The following INTS13 variants were observed in gnomAD, a reference collection of about 807,000 sequenced individuals.
INTS13 encodes the protein integrator complex subunit 13, also known as asunder, spermatogenesis regulator homolog (Drosphila).
In INTS13, 35 loss-of-function variants were observed where a neutral mutation model predicts 90.2. The observed-to-expected ratio is 0.39, with a 90% CI of 0.30 to 0.51. The LOEUF is 0.51. INTS13 is among the 20% of genes least tolerant of loss of function. INTS13 has a pLI of 0.80. For missense variants in INTS13, 601 were observed against 851.2 expected, an observed-to-expected ratio of 0.71 and a Z score of 3.66; for synonymous variants, 309 against 277.1, an observed-to-expected ratio of 1.11 and a Z score of -1.14.
intron 8 of INTS13, among the ~76,000 whole-genome samples, chr12:26,919,311 T>C (rs909147613): frequency 3.3e-5 from 5 of 151,994 alleles, no homozygotes; most frequent in African/African-American, 1.2e-4. Flanking sequence ...CAGAGAAGAT[T>C]AGTATGCTTT....
In INTS13 at chr12:26,919,910, C is replaced by T. The variant is rs144896969; in HGVS notation, c.890-2177G>A. Among the ~76,000 whole-genome samples the T allele has an allele frequency of 4.1e-4, 62 of 152,110 alleles. No individual in the cohort carries two copies. In the East Asian group the frequency reaches 0.011, roughly 28 times the overall value. Reference sequence around the variant, plus strand: ...TTTGGGAGGCTGAGGGGGCGGATCACGAGGTCAGGAGATCAAGACCATCCT... The same window carrying T: ...TTTGGGAGGCTGAGGGGGCGGATCATGAGGTCAGGAGATCAAGACCATCCT... On this transcript the variant is annotated intron_variant, in intron 8 of 16. Coordinates refer to ENST00000261191, the MANE Select transcript of INTS13 (RefSeq NM_018164.3).
At position 26,913,649 on chromosome 12, in the gene INTS13, G is replaced by A. The variant is rs1951853655; in HGVS notation, c.1613C>T (p.Thr538Ile). The change falls in exon 14 of 17, where the codon ACC becomes ATC. Residue 538 changes from threonine to isoleucine, a missense_variant. Around this residue, in one of 3 missense-constraint regions of INTS13, gnomAD observed 228 missense variants for 272.5 expected, o/e 0.84. Transcript: ENST00000261191. Reference protein sequence around the residue: ...QYRIMWNELETLVRAHINNSE... With the variant: ...QYRIMWNELEILVRAHINNSE... ...GTTGTTGATATGGGCTCTGACAAGG[G>A]TTTCTAATTCATTCCACATGATACG... 1 of 1,613,980 alleles carries A rather than the reference G, an allele frequency of 6.2e-7. No individual in the cohort carries two copies. Among genetic ancestry groups the A allele is most frequent in the Non-Finnish European group, 8.5e-7 (1 of 1,179,982 alleles).
At chr12:26,933,437 T>C (rs554521387) in intron 3 of INTS13, among the ~76,000 whole-genome samples, 4 of 152,284 alleles carry the variant, frequency 2.6e-5, no homozygotes, top group Non-Finnish European at 2.9e-5. Context: ...AAAATGGTGT[T>C]AGGCTTCTCA....
chr12:26,912,748 G>C (rs1951818569), intron 14 of INTS13, among the ~76,000 whole-genome samples: 1 of 146,892 alleles, frequency 6.8e-6, no homozygotes. Flanking sequence ...TTTTTTTTGA[G>C]ACAAAGTCTT....
chr12:26,907,594 T>C (rs573004343), intron 15 of INTS13, among the ~76,000 whole-genome samples: 1 of 152,336 alleles, frequency 6.6e-6, no homozygotes, highest in East Asian at 1.9e-4. Context: ...TGTACTTGAC[T>C]TCATCAAAAT....
chr12:26,929,002 A>T (rs1938042284), intron 3 of INTS13, 97 bp from the exon 4 acceptor site: 1 of 1,068,078 alleles, frequency 9.4e-7, no homozygotes, highest in South Asian at 1.5e-5. Flanking sequence ...TATCTTACAT[A>T]TATGGACATG....
chr12:26,933,904 T>C (rs1938323651), intron 3 of INTS13, among the ~76,000 whole-genome samples: 1 of 152,182 alleles, frequency 6.6e-6, no homozygotes, highest in South Asian at 2.1e-4. Flanking sequence ...AACAAAAAGC[T>C]ATATAAGGAA....
At chr12:26,920,873 T>C (rs1371813176) in intron 8 of INTS13, among the ~76,000 whole-genome samples, 3 of 152,208 alleles carry the variant, frequency 2.0e-5, no homozygotes, top group Non-Finnish European at 2.9e-5. Flanking sequence ...TATTCTAAGA[T>C]TCCTCAGACA....
intron 15 of INTS13, among the ~76,000 whole-genome samples, chr12:26,910,179 A>G (rs914395465): frequency 1.3e-5 from 2 of 152,232 alleles, no homozygotes; most frequent in Non-Finnish European, 2.9e-5. Flanking sequence ...ACATTTTAAT[A>G]TAGCAATAAA....
chr12:26,926,742 C>A (rs1937897087), intron 5 of INTS13, among the ~76,000 whole-genome samples: 1 of 152,174 alleles, frequency 6.6e-6, no homozygotes, highest in Non-Finnish European at 1.5e-5. Context: ...GACCCCAGTT[C>A]TTGACACATA....
intron 3 of INTS13, among the ~76,000 whole-genome samples, chr12:26,932,972 A>AT (rs1198488989): frequency 6.6e-5 from 10 of 152,242 alleles, no homozygotes; most frequent in Non-Finnish European, 1.5e-4. Flanking sequence ...AAGCCTCAAC[A>AT]TAAAAAAAGA....
At chr12:26,922,422 A>G (rs961296419) in intron 8 of INTS13, among the ~76,000 whole-genome samples, 194 bp downstream of exon 8, 3 of 152,160 alleles carry the variant, frequency 2.0e-5, no homozygotes, top group East Asian at 1.9e-4. Context: ...GCTTTGCCTA[A>G]TTTATATATT....
intron 8 of INTS13, 101 bp from the exon 9 acceptor site, chr12:26,917,834 AT>A: frequency 4.6e-6 from 4 of 871,348 alleles, no homozygotes; most frequent in Non-Finnish European, 1.8e-6. Context: ...TTAAAAAATA[AT>A]AAAAGCGGCC....
rs1037698150 is a variant in INTS13 at position 26,917,677 on chromosome 12, A to C, written c.946T>G (p.Leu316Val). ...REGSFKETIT[L>V]KWCTPRTNNI... ...TTTGTCCTTGGTGTACACCACTTTA[A>C]TGTTATTGTTTCTTTAAACGAGCCT... The change falls in exon 9 of 17, where the codon TTA (leucine) becomes GTA (valine). Residue 316 changes from leucine to valine, a missense_variant. Around this residue, in one of 3 missense-constraint regions of INTS13, gnomAD observed 284 missense variants for 387.7 expected, o/e 0.73. Transcript: ENST00000261191. The C allele has an allele frequency of 1.9e-6, 3 of 1,613,974 alleles. No homozygotes were observed. The African/African-American group carries it at 4.0e-5, about 22-fold the overall frequency.
intron 2 of INTS13, among the ~76,000 whole-genome samples, chr12:26,935,621 G>T (rs985032941): frequency 6.6e-6 from 1 of 152,228 alleles, no homozygotes; most frequent in Non-Finnish European, 1.5e-5. Context: ...CACACAGCTA[G>T]TAGTTAACCA....
At chr12:26,913,376 G>T (rs1260642990) in intron 14 of INTS13, 81 bp downstream of exon 14, 3 of 962,444 alleles carry the variant, frequency 3.1e-6, no homozygotes, top group Non-Finnish European at 4.9e-6. Context: ...ATTAAATCAG[G>T]TTTGAATGTA....
chr12:26,917,099 C>T (rs1951959208), intron 10 of INTS13, among the ~76,000 whole-genome samples: 1 of 151,952 alleles, frequency 6.6e-6, no homozygotes, highest in Non-Finnish European at 1.5e-5. Context: ...TTAAATAAAA[C>T]CTGCTTAGAT....
At chr12:26,908,864 C>T (rs1047742821) in intron 15 of INTS13, among the ~76,000 whole-genome samples, 1 of 152,174 alleles carries the variant, frequency 6.6e-6, no homozygotes, top group Non-Finnish European at 1.5e-5. Flanking sequence ...CTCATATGAG[C>T]TATTTCATAT....
At chr12:26,923,184 A>T (rs1481357979) in intron 7 of INTS13, among the ~76,000 whole-genome samples, 2 of 152,182 alleles carry the variant, frequency 1.3e-5, no homozygotes, top group Admixed American at 6.5e-5. Context: ...AGGAAATAGG[A>T]ATTTCAACAT....
Sources: gnomAD v4.1 joint callset for allele counts (sites outside exome capture counted in the v4.1 genomes callset) on GRCh38, gnomAD v4.1.1 for gene constraint, gnomAD v4.1.1 regional missense constraint, MANE v1.5 for transcripts, NCBI Gene and HGNC (gene_info 2026-07-23, HGNC 2026-07-21) for gene names.